TMEM117: variants seen among roughly 807,000 people sequenced by gnomAD.
TMEM117 encodes the protein transmembrane protein 117.
A neutral mutation model predicts 52.4 loss-of-function variants in TMEM117; 27 were observed. The observed-to-expected ratio is 0.51, with a 90% CI of 0.38 to 0.71. TMEM117 has a LOEUF of 0.71. Among genes scored for constraint, TMEM117 ranks in the 30% least tolerant of loss-of-function variants. The pLI, the probability that TMEM117 is intolerant of heterozygous loss-of-function variation, is 0.00. For missense variants in TMEM117, 556 were observed against 630.5 expected (o/e 0.88, Z 1.26); for synonymous variants, 215 against 206.3 (o/e 1.04, Z -0.36).
In TMEM117 at chr12:44,199,973, C is replaced by T. The variant is rs534004973; in HGVS notation, c.511-11317C>T. On this transcript the variant is annotated intron_variant, in intron 4 of 7. Coordinates refer to ENST00000266534, the MANE Select transcript of TMEM117 (RefSeq NM_032256.3). ...TCTCTACTAAAAATACAAAAATCAG[C>T]GGGGTGTGGTGGCACACACCTGTAA... Among the ~76,000 whole-genome samples, 9 of 152,132 alleles carry T rather than the reference C, an allele frequency of 5.9e-5. No individual in the cohort carries two copies. In the East Asian group the frequency reaches 1.5e-3, roughly 26 times the overall value.
intron 2 of TMEM117, among the ~76,000 whole-genome samples, chr12:43,918,995 C>T (rs2137550897): frequency 6.6e-6 from 1 of 152,202 alleles, no homozygotes; most frequent in South Asian, 2.1e-4. Flanking sequence ...TTTCCAGTTT[C>T]CTGCAAGTAT....
chr12:44,342,090 C>T (rs925568557), intron 6 of TMEM117, among the ~76,000 whole-genome samples: 3 of 151,976 alleles, frequency 2.0e-5, no homozygotes, highest in Non-Finnish European at 2.9e-5. Flanking sequence ...ATAAAACAAA[C>T]GTAAAGTATA....
intron 1 of TMEM117, among the ~76,000 whole-genome samples, chr12:43,836,844 C>T (rs1041994043): frequency 6.6e-6 from 1 of 151,748 alleles, no homozygotes; most frequent in African/African-American, 2.4e-5. Flanking sequence ...GTAAACATCA[C>T]ATGCTTATCA....
intron 3 of TMEM117, among the ~76,000 whole-genome samples, chr12:44,074,555 A>G (rs993449057): frequency 5.3e-5 from 8 of 152,222 alleles, no homozygotes; most frequent in Non-Finnish European, 8.8e-5. Context: ...AATTATAGAT[A>G]TAAAGCTCAG....
chr12:44,264,089 G>C, intron 5 of TMEM117: 1 of 152,136 alleles, frequency 6.6e-6, no homozygotes, highest in Admixed American at 6.6e-5. Context: ...AGCAATGACT[G>C]TCTACATATA....
At chr12:43,980,599 C>A (rs1029989226) in intron 3 of TMEM117, among the ~76,000 whole-genome samples, 6 of 151,496 alleles carry the variant, frequency 4.0e-5, no homozygotes, top group Admixed American at 6.6e-5. Context: ...CGAGTGGGCA[C>A]CAATGACTTA....
the TMEM117 span, chr12:43,804,263 G>A: frequency 1.9e-6 from 1 of 518,398 alleles, no homozygotes; most frequent in Non-Finnish European, 3.6e-6. Flanking sequence ...AAGTAAAAGA[G>A]GAAGAAGTCA....
the TMEM117 span, among the ~76,000 whole-genome samples, chr12:43,813,231 G>GCTT: frequency 3.6e-3 from 228 of 62,670 alleles, 9 homozygotes; most frequent in African/African-American, 0.013. Context: ...GTTTTCTCTT[G>GCTT]TTTTTTTTTT....
chr12:43,941,022 A>G lies in TMEM117; in HGVS notation c.278-3188A>G, dbSNP rs1945036169. ...CCTGTGCCCTCCCACCCTCTCCTTC[A>G]CATATACAGGTTTGTGTCCCACTTT... On this transcript the variant is annotated intron_variant, in intron 2 of 7. Transcript: ENST00000266534. Among the ~76,000 whole-genome samples the G allele has an allele frequency of 2.6e-5, 4 of 152,114 alleles. No homozygotes were observed. The South Asian group carries it at 8.3e-4, about 32-fold the overall frequency.
intron 2 of TMEM117, among the ~76,000 whole-genome samples, chr12:43,857,312 A>ACT (rs1943417552): frequency 1.6e-5 from 1 of 63,282 alleles, no homozygotes; most frequent in Non-Finnish European, 4.4e-5. Flanking sequence ...CTTTCTAGGT[A>ACT]CTTTTTTTTT....
chr12:44,005,690 A>G (rs550642273), intron 3 of TMEM117, among the ~76,000 whole-genome samples: 1 of 152,332 alleles, frequency 6.6e-6, no homozygotes, highest in East Asian at 1.9e-4. Flanking sequence ...TATAGGTGAT[A>G]TAGTTTTGCT....
At chr12:43,845,518 AT>A (rs1477698249) in intron 2 of TMEM117, among the ~76,000 whole-genome samples, 1 of 150,336 alleles carries the variant, frequency 6.7e-6, no homozygotes, top group Non-Finnish European at 1.5e-5. Flanking sequence ...ATACCTAGTC[AT>A]TTTTTAAAAA....
chr12:44,319,997 G>A lies in TMEM117; in HGVS notation c.768+20258G>A, dbSNP rs573078938. Among the ~76,000 whole-genome samples the A allele has an allele frequency of 2.1e-4, 32 of 152,146 alleles. No homozygotes were observed. The South Asian group carries it at 6.4e-3, about 31-fold the overall frequency. ...CCATGGCCTAACAGCCTCCCAATAG[G>A]CTAGTCTTTCTCAAATCTTCCTCAA... is the stretch of plus-strand genomic sequence containing the variant. On this transcript the variant is annotated intron_variant, in intron 6 of 7. Coordinates refer to ENST00000266534, the MANE Select transcript of TMEM117 (RefSeq NM_032256.3).
intron 5 of TMEM117, among the ~76,000 whole-genome samples, chr12:44,264,832 A>G (rs12314054): frequency 0.019 from 2,901 of 152,292 alleles, 59 homozygotes; most frequent in African/African-American, 0.047. Context: ...AATAACTAGC[A>G]TATACTACAG....
intron 6 of TMEM117, among the ~76,000 whole-genome samples, chr12:44,345,419 G>A (rs1287333234): frequency 6.6e-6 from 1 of 152,058 alleles, no homozygotes; most frequent in Non-Finnish European, 1.5e-5. Flanking sequence ...AGATGGGGGA[G>A]ACCTTAGGTA....
chr12:44,214,938 G>A (rs143458497), intron 5 of TMEM117, among the ~76,000 whole-genome samples: 1,749 of 152,204 alleles, frequency 0.011, 21 homozygotes, highest in South Asian at 0.052. Flanking sequence ...GGCATTTGGG[G>A]TTTGGTTTGG....
intron 3 of TMEM117, among the ~76,000 whole-genome samples, chr12:44,042,829 A>T (rs1946824215): frequency 1.3e-5 from 2 of 149,658 alleles, no homozygotes. Flanking sequence ...CTGCCCCTCT[A>T]GGGAATCCTG....
chr12:43,827,697 A>G, the TMEM117 span, among the ~76,000 whole-genome samples: 8 of 152,216 alleles, frequency 5.3e-5, no homozygotes, highest in Admixed American at 3.3e-4. Context: ...ATAGTTGCTT[A>G]TTTAAAAATG....
At chr12:44,291,381 T>TTTTTTGTTTGTTTG (rs1555147216) in intron 5 of TMEM117, among the ~76,000 whole-genome samples, 12 of 147,446 alleles carry the variant, frequency 8.1e-5, no homozygotes, top group African/African-American at 2.5e-4. Context: ...ACAGTTTTTT[T>TTTTTTGTTTGTTTG]TTTTTTTTTT....
Sources: allele counts gnomAD v4.1 joint callset (sites outside exome capture counted in the v4.1 genomes callset), GRCh38; gene constraint gnomAD v4.1.1; transcripts MANE v1.5; gene names NCBI Gene and HGNC (gene_info 2026-07-23, HGNC 2026-07-21).